CDK7: variants seen among roughly 807,000 people sequenced by gnomAD.
CDK7 encodes cyclin dependent kinase 7.
A neutral mutation model predicts 49.1 loss-of-function variants in CDK7; 25 were observed. The ratio of observed to expected loss-of-function variants is 0.51; its 90% CI spans 0.37 to 0.71. CDK7 has a LOEUF of 0.71. CDK7 is among the 30% of genes least tolerant of loss of function. The probability of loss-of-function intolerance (pLI) is 0.00; values close to 1 mark genes in which losing one functional copy is unlikely to be tolerated. For missense variants in CDK7, 316 were observed against 411.7 expected (o/e 0.77, Z 2.01); for synonymous variants, 107 against 140.0 (o/e 0.76, Z 1.67).
chr5:69,276,105 C>CGT (rs1368423923), intron 10 of CDK7, among the ~76,000 whole-genome samples: 3 of 152,148 alleles, frequency 2.0e-5, no homozygotes, highest in African/African-American at 7.2e-5. Context: ...TCTCGGCTCA[C>CGT]TGCAACCTCT....
intron 8 of CDK7, among the ~76,000 whole-genome samples, chr5:69,268,617 C>T (rs1308845365): frequency 1.3e-5 from 2 of 152,064 alleles, no homozygotes; most frequent in Non-Finnish European, 2.9e-5. Flanking sequence ...CTTTGGGAGG[C>T]CGAGGCGGGC....
intron 3 of CDK7, 71 bp downstream of exon 3, chr5:69,252,522 TTTAA>T: frequency 1.6e-6 from 1 of 621,182 alleles, no homozygotes; most frequent in Non-Finnish European, 2.4e-6. Context: ...TTTTTTTTTT[TTTAA>T]AAAGACAGGG....
intron 8 of CDK7, among the ~76,000 whole-genome samples, chr5:69,265,906 G>T (rs28602964): frequency 0.6 from 91,261 of 151,282 alleles, 28,039 homozygotes; most frequent in African/African-American, 0.72. Flanking sequence ...CAAGACACTA[G>T]CTAAAAAAAA....
chr5:69,254,697 A>T (rs776653538), intron 4 of CDK7, 28 bp downstream of exon 4: 1 of 1,192,830 alleles, frequency 8.4e-7, no homozygotes, highest in African/African-American at 1.5e-5. Flanking sequence ...TGTTACTGGG[A>T]TTTGGGACTC....
chr5:69,249,021 T>G (rs138379655), intron 2 of CDK7, among the ~76,000 whole-genome samples: 1 of 152,144 alleles, frequency 6.6e-6, no homozygotes, highest in Non-Finnish European at 1.5e-5. Context: ...ATTTCTGCAT[T>G]TGGGAAGTTT....
chr5:69,235,063 G>A (rs1287505832), intron 1 of CDK7, 22 bp downstream of exon 1: 3 of 1,588,698 alleles, frequency 1.9e-6, no homozygotes, highest in Non-Finnish European at 8.6e-7. Flanking sequence ...TGGAAGGACG[G>A]GGAGGGCCCC....
intron 6 of CDK7, among the ~76,000 whole-genome samples, chr5:69,258,662 G>A (rs1269009361): frequency 4.6e-5 from 7 of 152,110 alleles, no homozygotes; most frequent in African/African-American, 9.7e-5. Context: ...GATTACAGGC[G>A]TGAGCCATTG....
upstream of CDK7, chr5:69,234,873 C>A: frequency 8.6e-7 from 1 of 1,164,442 alleles, no homozygotes; most frequent in Non-Finnish European, 1.2e-6. Flanking sequence ...AGCGACGGAG[C>A]CCGGTGGACG....
chr5:69,265,827 T>C (rs1751116464), intron 8 of CDK7, among the ~76,000 whole-genome samples: 1 of 151,844 alleles, frequency 6.6e-6, no homozygotes, highest in Admixed American at 6.6e-5. Flanking sequence ...GCAGGATCAC[T>C]GGAACCTGGG....
At chr5:69,271,023 C>T in intron 9 of CDK7, among the ~76,000 whole-genome samples, 1 of 152,098 alleles carries the variant, frequency 6.6e-6, no homozygotes, top group Middle Eastern at 3.2e-3. Flanking sequence ...ATGGTAGTTA[C>T]ATATTAATTT....
At position 69,273,002 on chromosome 5, in the gene CDK7, ATTC is replaced by A. The variant is rs1751719931; in HGVS notation, c.828_830del (p.Phe276del). 6.3e-7 allele frequency: 1 copy of A among 1,584,608 alleles called. No homozygotes were observed. Among genetic ancestry groups the A allele is most frequent in the Non-Finnish European group, 8.6e-7 (1 of 1,162,576 alleles). On this transcript the variant is annotated inframe_deletion, in exon 10 of 12. Transcript: ENST00000256443. ...ACTTACTAGATCTCATACAAGGCTTATTCTTATTTAATCCATGTGCTCGAATTA... is the reference window on the plus strand; with the variant it reads ...ACTTACTAGATCTCATACAAGGCTTATTATTTAATCCATGTGCTCGAATTA...
intron 5 of CDK7, chr5:69,255,995 T>C (rs1461541584): frequency 6.2e-6 from 1 of 161,896 alleles, no homozygotes; most frequent in Non-Finnish European, 1.3e-5. Context: ...AAATTTTATA[T>C]TTTAAGTAGA....
intron 10 of CDK7, among the ~76,000 whole-genome samples, chr5:69,274,671 A>G (rs1257838524): frequency 6.6e-6 from 1 of 151,130 alleles, no homozygotes; most frequent in Admixed American, 6.6e-5. Flanking sequence ...GCTGGAGTGC[A>G]GTGGCACGAT....
chr5:69,267,459 C>T (rs1232547620), intron 8 of CDK7, among the ~76,000 whole-genome samples: 3 of 151,664 alleles, frequency 2.0e-5, no homozygotes, highest in Non-Finnish European at 2.9e-5. Flanking sequence ...CCATGACACC[C>T]GCCTAGTTTT....
chr5:69,276,322 C>T (rs1196373673), intron 10 of CDK7, among the ~76,000 whole-genome samples: 1 of 152,190 alleles, frequency 6.6e-6, no homozygotes, highest in Non-Finnish European at 1.5e-5. Context: ...AGCTACTGTG[C>T]CCGGCCAGTC....
chr5:69,274,490 A>G (rs1209274321), intron 10 of CDK7, among the ~76,000 whole-genome samples: 1 of 152,208 alleles, frequency 6.6e-6, no homozygotes, highest in Non-Finnish European at 1.5e-5. Context: ...AATAAATAAA[A>G]AATGAAAATG....
At chr5:69,258,677 C>T (rs1260835940) in intron 6 of CDK7, among the ~76,000 whole-genome samples, 2 of 152,080 alleles carry the variant, frequency 1.3e-5, no homozygotes, top group Non-Finnish European at 2.9e-5. Flanking sequence ...CCATTGCGCC[C>T]GGCCTCCTCA....
At position 69,274,015 on chromosome 5, in the gene CDK7, T is replaced by C. The variant is rs1362066322; in HGVS notation, c.864+974T>C. ...TTTTTCTTTATTATTTTTATGTCCA[T>C]GTGTACACATACTCTTTTAATTTCA... On this transcript the variant is annotated intron_variant, in intron 10 of 11. Transcript: ENST00000256443. Among the ~76,000 whole-genome samples, 84 of 152,214 alleles carry C rather than the reference T, an allele frequency of 5.5e-4. 1 individual carries two copies. Among genetic ancestry groups the C allele is most frequent in the Admixed American group, 5.4e-3 (83 of 15,280 alleles).
intron 3 of CDK7, 39 bp downstream of exon 3, chr5:69,252,490 TC>T (rs377266699): frequency 2.1e-6 from 2 of 971,398 alleles, no homozygotes; most frequent in South Asian, 1.6e-5. Context: ...GGAAAAGTTT[TC>T]TCCTTTTTTT....
Sources: allele counts gnomAD v4.1 joint callset (sites outside exome capture counted in the v4.1 genomes callset), GRCh38; gene constraint gnomAD v4.1.1; transcripts MANE v1.5; gene names NCBI Gene and HGNC (gene_info 2026-07-23, HGNC 2026-07-21).